Variants in URI1 observed in about 807,000 individuals in gnomAD.
URI1 encodes unconventional prefoldin RPB5 interactor 1.
A neutral mutation model predicts 60.2 loss-of-function variants in URI1; 39 were observed. The observed-to-expected ratio is 0.65, with a 90% confidence interval of 0.50 to 0.85. URI1 has a LOEUF of 0.85. Ranked by LOEUF, URI1 falls within the 40% of genes least tolerant of loss-of-function variation. The pLI is 0.00. For synonymous variants in URI1, 251 were observed against 236.8 expected, an observed-to-expected ratio of 1.06 and a Z score of -0.55; for missense variants, 691 against 665.9, an observed-to-expected ratio of 1.04 and a Z score of -0.42.
chr19:30,012,252 A>G (rs2056030298), intron 9 of URI1, 33 bp from the exon 10 acceptor site: 7 of 1,584,052 alleles, frequency 4.4e-6, no homozygotes, highest in Non-Finnish European at 6.0e-6. Context: ...TGAGTTACGT[A>G]TAGTGAATGC....
chr19:30,012,250 G>A (rs371168821), intron 9 of URI1, 35 bp from the exon 10 acceptor site: 70 of 1,580,372 alleles, frequency 4.4e-5, no homozygotes, highest in African/African-American at 5.4e-5. Context: ...TATGAGTTAC[G>A]TATAGTGAAT....
intron 1 of URI1, chr19:29,956,880 C>A: frequency 6.9e-7 from 1 of 1,444,634 alleles, no homozygotes; most frequent in Non-Finnish European, 9.7e-7. Context: ...TGATTGAAGT[C>A]CTTCCGCAGG....
At chr19:29,989,071 A>C (rs547632197) in intron 4 of URI1, among the ~76,000 whole-genome samples, 56 of 150,974 alleles carry the variant, frequency 3.7e-4, no homozygotes, top group African/African-American at 1.4e-3. Context: ...TTACCTGTTG[A>C]ACTCTTTTGC....
rs1568446902 is a variant in URI1, at chr19:30,009,235, A to ACGACGACGACGACAACAT, written c.917_918insCGACGACGACGACAACAT (p.Asp310_Asp311insAsnIleAspAspAspAsp). The ACGACGACGACGACAACAT allele has an allele frequency of 2.6e-6, 4 of 1,533,652 alleles. No individual in the cohort carries two copies. The highest frequency in any genetic ancestry group is 2.7e-5 in the African/African-American group (2 of 73,640). ...AGTGATGATGATGATGATGATGATGATGACGACGACGACGACAACATTGAC... is the reference window on the plus strand; with the variant it reads ...AGTGATGATGATGATGATGATGATGACGACGACGACGACAACATTGACGACGACGACGACAACATTGAC... On this transcript the variant is annotated inframe_insertion, in exon 8 of 11. Transcript: ENST00000392271.
At chr19:30,008,859 A>G in intron 7 of URI1, 146 bp from the exon 8 acceptor site, 2 of 669,478 alleles carry the variant, frequency 3.0e-6, no homozygotes, top group Admixed American at 3.4e-5. Context: ...ATTTCAAAAC[A>G]TTTTTTTGTT....
chr19:29,959,642 C>A (rs1481851595), intron 1 of URI1, among the ~76,000 whole-genome samples: 1 of 152,140 alleles, frequency 6.6e-6, no homozygotes, highest in East Asian at 1.9e-4. Flanking sequence ...AGCTTGTTGT[C>A]CCTCCGAGTT....
intron 1 of URI1, among the ~76,000 whole-genome samples, chr19:29,968,565 C>CTTTTTTTTTTT (rs35475321): frequency 1.3e-5 from 1 of 74,428 alleles, no homozygotes; most frequent in Non-Finnish European, 2.4e-5. Context: ...CTAATTTTTT[C>CTTTTTTTTTTT]TTTTTTTTTT....
intron 1 of URI1, among the ~76,000 whole-genome samples, chr19:29,962,367 G>A (rs1231795954): frequency 1.4e-5 from 2 of 139,818 alleles, no homozygotes; most frequent in Non-Finnish European, 3.1e-5. Context: ...CTGTACTTAT[G>A]GTTTAGTACT....
Position 29,970,788 on chromosome 19 carries a change from T to C in URI1, c.118-405T>C, listed in dbSNP as rs998283757. Among the ~76,000 whole-genome samples, 4 of 152,116 alleles carry C rather than the reference T, an allele frequency of 2.6e-5. No individual in the cohort carries two copies. In the East Asian group the frequency reaches 7.7e-4, roughly 29 times the overall value. ...AAATAAAATATTGTCACTACAGTCATTTTTTTTAACTGACGAAACGTGGAT... is the reference window on the plus strand; with the variant it reads ...AAATAAAATATTGTCACTACAGTCACTTTTTTTAACTGACGAAACGTGGAT... On this transcript the variant is annotated intron_variant, in intron 1 of 10. Transcript: ENST00000392271.
At chr19:29,998,072 A>G (rs1233411307) in intron 4 of URI1, among the ~76,000 whole-genome samples, 1 of 152,100 alleles carries the variant, frequency 6.6e-6, no homozygotes, top group East Asian at 1.9e-4. Flanking sequence ...AATTATGCCT[A>G]TGATTTCTTC....
Position 30,015,275 on chromosome 19 carries a change from T to C in URI1, c.*206T>C. 2.1e-6 allele frequency: 3 copies of C among 1,415,372 alleles called. No homozygotes were observed. The highest frequency in any genetic ancestry group is 2.8e-6 in the Non-Finnish European group (3 of 1,090,468). The allele number at this position is 1,415,372 out of a possible 1,614,324, so 87.7% of individuals were successfully genotyped here. A position where few individuals can be genotyped will look rare whatever the true frequency, so the allele number is the denominator to read the frequency against. On this transcript the variant is annotated 3_prime_UTR_variant, in exon 11 of 11. Coordinates refer to ENST00000392271, the MANE Select transcript of URI1 (RefSeq NM_003796.3). Reference sequence around the variant, plus strand: ...TAATATCAGCTTGTTTTGTGAATTCTCTGAATACTGTCAACACTCTTATCT... The same window carrying C: ...TAATATCAGCTTGTTTTGTGAATTCCCTGAATACTGTCAACACTCTTATCT...
At chr19:29,949,416 A>G (rs1199284735) in intron 1 of URI1, among the ~76,000 whole-genome samples, 1 of 146,970 alleles carries the variant, frequency 6.8e-6, no homozygotes, top group Admixed American at 6.8e-5. Flanking sequence ...GGCGCTCCCC[A>G]CTTCCCAGAC....
At chr19:29,943,673 T>TA (rs2055061632) in intron 1 of URI1, among the ~76,000 whole-genome samples, 2 of 152,098 alleles carry the variant, frequency 1.3e-5, no homozygotes, top group South Asian at 4.1e-4. Context: ...TGATAGAACT[T>TA]AAAAAACCCT....
At chr19:29,959,558 T>C (rs2055295430) in intron 1 of URI1, among the ~76,000 whole-genome samples, 1 of 152,236 alleles carries the variant, frequency 6.6e-6, no homozygotes, top group African/African-American at 2.4e-5. Context: ...TCAAAGACTA[T>C]CCAGATTTTC....
Position 29,997,160 on chromosome 19 carries a change from G to A in URI1, c.368-8201G>A, listed in dbSNP as rs73543791. ...GAGGATTGGTGTTAATTCTTTGAAT[G>A]TTTGGTAGAATTCATCTGTGAAAGC... On this transcript the variant is annotated intron_variant, in intron 4 of 10. Transcript: ENST00000392271. Among the ~76,000 whole-genome samples the A allele has an allele frequency of 3.6e-3, 542 of 152,242 alleles. 6 individuals carry two copies. The highest frequency in any genetic ancestry group is 0.012 in the African/African-American group (509 of 41,574).
chr19:29,989,524 A>G (rs1040153237), intron 4 of URI1, among the ~76,000 whole-genome samples: 1 of 151,508 alleles, frequency 6.6e-6, no homozygotes, highest in Non-Finnish European at 1.5e-5. Context: ...CCCGGGTTCA[A>G]GTGATTCTCC....
Position 30,015,647 on chromosome 19 carries a change from G to T in URI1, c.*578G>T. 1 of 1,429,408 alleles carries T rather than the reference G, an allele frequency of 7.0e-7. No homozygotes were observed. The highest frequency in any genetic ancestry group is 1.3e-5 in the South Asian group (1 of 75,208). 88.5% of individuals were successfully genotyped at this position (1,429,408 alleles called of 1,614,324 possible). ...TTGTACTCTATGGGAAAATTTCTTT[G>T]GAAAGATATTTTGTAAAACTTTTTT... On this transcript the variant is annotated 3_prime_UTR_variant, in exon 11 of 11. Coordinates refer to ENST00000392271, the MANE Select transcript of URI1 (RefSeq NM_003796.3).
intron 1 of URI1, among the ~76,000 whole-genome samples, chr19:29,961,965 G>A (rs566911670): frequency 5.3e-5 from 8 of 152,156 alleles, no homozygotes; most frequent in Non-Finnish European, 8.8e-5. Context: ...GATTACAGGC[G>A]TGTGCCACTG....
chr19:29,940,690 C>T (rs987303796), upstream of URI1, among the ~76,000 whole-genome samples: 4 of 152,096 alleles, frequency 2.6e-5, no homozygotes, highest in African/African-American at 4.8e-5. Flanking sequence ...TGGACGACAT[C>T]GCACACCCAT....
Sources: gnomAD v4.1 joint callset for allele counts (sites outside exome capture counted in the v4.1 genomes callset) on GRCh38, gnomAD v4.1.1 for gene constraint, MANE v1.5 for transcripts, NCBI Gene and HGNC (gene_info 2026-07-23, HGNC 2026-07-21) for gene names.